Variants in ZBTB20 observed in about 807,000 individuals in gnomAD.
ZBTB20 encodes zinc finger and BTB domain-containing protein 20.
In ZBTB20, 9 loss-of-function variants were observed where a neutral mutation model predicts 56.9. The ratio of observed to expected loss-of-function variants is 0.16; its 90% confidence interval spans 0.10 to 0.28. ZBTB20 has a LOEUF of 0.28. ZBTB20 is among the 10% of genes least tolerant of loss of function. ZBTB20 has a pLI of 1.00. For missense variants in ZBTB20, 655 were observed against 1,003.0 expected (o/e 0.65, Z 4.69); for synonymous variants, 417 against 420.7 (o/e 0.99, Z 0.11).
intron 5 of ZBTB20, among the ~76,000 whole-genome samples, chr3:114,711,486 G>T (rs1029093281): frequency 6.6e-6 from 1 of 152,186 alleles, no homozygotes; most frequent in Admixed American, 6.5e-5. Flanking sequence ...CCATCTGACT[G>T]CACAGGCCAG....
chr3:115,034,167 T>C (rs1189664406), intron 2 of ZBTB20, among the ~76,000 whole-genome samples: 1 of 151,736 alleles, frequency 6.6e-6, no homozygotes, highest in East Asian at 1.9e-4. Flanking sequence ...CTGAAAGCTC[T>C]TCCTCTGAGA....
chr3:114,878,806 G>A lies in ZBTB20; in HGVS notation c.-417+21498C>T, dbSNP rs540861563. Among the ~76,000 whole-genome samples the A allele has an allele frequency of 5.3e-5, 8 of 152,024 alleles. No individual in the cohort carries two copies. In the East Asian group the frequency reaches 9.7e-4, roughly 18 times the overall value. ...CACACAAAATAACTAATAAAGCTGCGGTCACAACCAACTGAAAATAAACAC... is the reference window on the plus strand; with the variant it reads ...CACACAAAATAACTAATAAAGCTGCAGTCACAACCAACTGAAAATAAACAC... On this transcript the variant is annotated intron_variant, in intron 4 of 11. Coordinates refer to ENST00000675478, the MANE Select transcript of ZBTB20 (RefSeq NM_001348800.3).
At chr3:114,603,888 AC>A (rs1337213542) in intron 6 of ZBTB20, among the ~76,000 whole-genome samples, 3 of 152,012 alleles carry the variant, frequency 2.0e-5, no homozygotes, top group African/African-American at 7.2e-5. Context: ...CAAAAGCTTA[AC>A]CAAGCACTAT....
intron 3 of ZBTB20, among the ~76,000 whole-genome samples, chr3:114,968,010 G>A (rs2077719840): frequency 6.6e-6 from 1 of 151,126 alleles, no homozygotes; most frequent in Admixed American, 6.6e-5. Context: ...TATAAAAGAA[G>A]ATCTTAGTGT....
At chr3:114,403,368 T>C (rs1046267775) in intron 7 of ZBTB20, among the ~76,000 whole-genome samples, 1 of 152,246 alleles carries the variant, frequency 6.6e-6, no homozygotes, top group East Asian at 1.9e-4. Context: ...TAATGGGCCA[T>C]ATTGGTAATA....
At chr3:114,941,502 C>T (rs776920396) in intron 3 of ZBTB20, among the ~76,000 whole-genome samples, 3 of 145,968 alleles carry the variant, frequency 2.1e-5, no homozygotes, top group Non-Finnish European at 4.4e-5. Context: ...CCATAACAGA[C>T]ACCTGGTAAG....
chr3:115,133,785 T>C (rs1033524845), intron 1 of ZBTB20, among the ~76,000 whole-genome samples: 1 of 152,246 alleles, frequency 6.6e-6, no homozygotes, highest in Non-Finnish European at 1.5e-5. Flanking sequence ...CAGCAGTTGA[T>C]GGATATGAGT....
intron 4 of ZBTB20, among the ~76,000 whole-genome samples, chr3:114,813,143 A>C (rs1423226277): frequency 6.6e-6 from 1 of 152,236 alleles, no homozygotes; most frequent in Non-Finnish European, 1.5e-5. Flanking sequence ...AGTGCCGCCA[A>C]AGTGGGAGCC....
intron 4 of ZBTB20, among the ~76,000 whole-genome samples, chr3:114,879,793 C>A (rs2076329760): frequency 6.6e-6 from 1 of 152,084 alleles, no homozygotes; most frequent in Non-Finnish European, 1.5e-5. Context: ...GTTTCTAAAG[C>A]ACCTCTTAAT....
intron 7 of ZBTB20, among the ~76,000 whole-genome samples, chr3:114,458,727 G>C (rs754865181): frequency 9.3e-5 from 14 of 149,838 alleles, no homozygotes; most frequent in Non-Finnish European, 1.9e-4. Context: ...TTACTTGACA[G>C]GTTTTTTTTT....
chr3:114,334,905 A>G lies in ZBTB20; in HGVS notation c.*4100T>C, dbSNP rs1052708744. ...CATTTCAGATTTTTTTTCTTTGCTT[A>G]GCTTGTTTCCCCCTGTGTAGAATTG... On this transcript the variant is annotated 3_prime_UTR_variant, in exon 12 of 12. Coordinates refer to ENST00000675478, the MANE Select transcript of ZBTB20 (RefSeq NM_001348800.3). 9 of 152,192 alleles carry G rather than the reference A, an allele frequency of 5.9e-5. No homozygotes were observed. The highest frequency in any genetic ancestry group is 1.9e-4 in the African/African-American group (8 of 41,510). The allele number at this position is 152,192 out of a possible 1,614,324, so 9.4% of individuals were successfully genotyped here.
At chr3:114,925,071 C>T (rs2076104439) in intron 3 of ZBTB20, among the ~76,000 whole-genome samples, 1 of 149,840 alleles carries the variant, frequency 6.7e-6, no homozygotes, top group Non-Finnish European at 1.5e-5. Context: ...GCAACCTCTG[C>T]CTCCTGGGTT....
At chr3:114,593,388 T>TC (rs997198446) in intron 6 of ZBTB20, among the ~76,000 whole-genome samples, 2 of 144,208 alleles carry the variant, frequency 1.4e-5, no homozygotes, top group African/African-American at 2.5e-5. Flanking sequence ...TCTTTTCTTT[T>TC]TTTTTTTTTT....
chr3:114,594,012 T>C (rs116793735), intron 6 of ZBTB20, among the ~76,000 whole-genome samples: 2 of 152,298 alleles, frequency 1.3e-5, no homozygotes, highest in African/African-American at 4.8e-5. Context: ...ATCAGGCATA[T>C]TCCATCAACA....
intron 7 of ZBTB20, among the ~76,000 whole-genome samples, chr3:114,426,694 AGAT>A (rs2089702484): frequency 6.6e-6 from 1 of 152,232 alleles, no homozygotes; most frequent in African/African-American, 2.4e-5. Context: ...TCCTTCATTC[AGAT>A]GATAACTTAA....
intron 5 of ZBTB20, among the ~76,000 whole-genome samples, chr3:114,782,648 A>G (rs1578845594): frequency 6.6e-6 from 1 of 152,346 alleles, no homozygotes; most frequent in South Asian, 2.1e-4. Context: ...GCCTGAAAAT[A>G]AATTCAATAA....
At chr3:114,458,010 G>C (rs2092123226) in intron 7 of ZBTB20, among the ~76,000 whole-genome samples, 2 of 152,156 alleles carry the variant, frequency 1.3e-5, no homozygotes, top group Non-Finnish European at 2.9e-5. Flanking sequence ...TCGAATTATA[G>C]AATCTGTCCT....
intron 7 of ZBTB20, among the ~76,000 whole-genome samples, chr3:114,401,759 A>T (rs965867906): frequency 2.0e-5 from 3 of 152,306 alleles, no homozygotes. Flanking sequence ...AAATAAAAAA[A>T]AATAATAGGA....
At chr3:114,655,025 T>C (rs1018212809) in intron 6 of ZBTB20, among the ~76,000 whole-genome samples, 1 of 152,140 alleles carries the variant, frequency 6.6e-6, no homozygotes, top group Non-Finnish European at 1.5e-5. Context: ...AAGATATCCA[T>C]GTTATTACAT....
Sources: gnomAD v4.1 joint callset for allele counts (sites outside exome capture counted in the v4.1 genomes callset) on GRCh38, gnomAD v4.1.1 for gene constraint, MANE v1.5 for transcripts, NCBI Gene and HGNC (gene_info 2026-07-23, HGNC 2026-07-21) for gene names.